Variants in KCNMA1 observed in about 807,000 individuals in gnomAD.
The protein encoded by KCNMA1 is potassium calcium-activated channel subfamily M alpha 1.
In KCNMA1, 29 loss-of-function variants were observed where a neutral mutation model predicts 140.0. That is an observed-to-expected ratio of 0.21 (90% CI 0.15 to 0.28). The LOEUF (loss-of-function observed/expected upper bound fraction) is 0.28. KCNMA1 is among the 10% of genes least tolerant of loss of function. The pLI is 1.00. For synonymous variants in KCNMA1, 612 were observed against 611.9 expected, an observed-to-expected ratio of 1.00 and a Z score of 0.00; for missense variants, 880 against 1,602.2, an observed-to-expected ratio of 0.55 and a Z score of 7.70.
At chr10:77,551,165 A>G (rs530731961) in intron 1 of KCNMA1, among the ~76,000 whole-genome samples, 64 of 152,290 alleles carry the variant, frequency 4.2e-4, no homozygotes, top group African/African-American at 1.4e-3. Flanking sequence ...AACATGTATC[A>G]TGGAGTGACA....
At chr10:77,194,148 G>C (rs1231410558) in intron 3 of KCNMA1, among the ~76,000 whole-genome samples, 1 of 152,138 alleles carries the variant, frequency 6.6e-6, no homozygotes, top group African/African-American at 2.4e-5. Flanking sequence ...TCATATCAAG[G>C]CTTCCCAAAT....
chr10:76,875,314 TA>T (rs2032170543), downstream of KCNMA1: 1 of 152,214 alleles, frequency 6.6e-6, no homozygotes, highest in Non-Finnish European at 1.5e-5. Context: ...TTGCTCTATT[TA>T]AAAGAAAATG....
chr10:77,290,265 C>T (rs2072717648), intron 2 of KCNMA1, among the ~76,000 whole-genome samples: 1 of 152,166 alleles, frequency 6.6e-6, no homozygotes, highest in African/African-American at 2.4e-5. Context: ...ATATTTAGAG[C>T]ACTATTGATT....
At chr10:77,605,360 C>T (rs2084107387) in intron 1 of KCNMA1, among the ~76,000 whole-genome samples, 1 of 152,226 alleles carries the variant, frequency 6.6e-6, no homozygotes, top group African/African-American at 2.4e-5. Context: ...TTCAAAGCAC[C>T]CGGCAAGTGG....
Position 76,885,232 on chromosome 10 carries a change from T to C in KCNMA1, c.*2034A>G, listed in dbSNP as rs201452204. 2.0e-6 allele frequency: 1 copy of C among 496,274 alleles called. No individual in the cohort carries two copies. The highest frequency in any genetic ancestry group is 2.6e-6 in the Non-Finnish European group (1 of 383,520). The allele number at this position is 496,274 out of a possible 1,614,324, so 30.7% of individuals were successfully genotyped here. A position where few individuals can be genotyped will look rare whatever the true frequency, so the allele number is the denominator to read the frequency against. ...ATATATATAGTTATATATATATAAT[T>C]ATATAGTTATATATATATAATTATA... is the stretch of plus-strand genomic sequence containing the variant. On this transcript the variant is annotated 3_prime_UTR_variant, in exon 28 of 28. Transcript: ENST00000286628.
chr10:77,066,985 C>T (rs2153690002), intron 14 of KCNMA1, among the ~76,000 whole-genome samples: 1 of 152,272 alleles, frequency 6.6e-6, no homozygotes, highest in Non-Finnish European at 1.5e-5. Flanking sequence ...CCTCCTTCAA[C>T]CTGGTTAGCA....
At chr10:77,403,388 T>G (rs763746394) in intron 2 of KCNMA1, among the ~76,000 whole-genome samples, 2 of 152,026 alleles carry the variant, frequency 1.3e-5, no homozygotes, top group Non-Finnish European at 2.9e-5. Flanking sequence ...GCTCACACAC[T>G]GCAGAAAATT....
At chr10:77,293,370 T>C (rs553166984) in intron 2 of KCNMA1, among the ~76,000 whole-genome samples, 19 of 152,072 alleles carry the variant, frequency 1.2e-4, no homozygotes, top group Non-Finnish European at 2.4e-4. Flanking sequence ...GGGACAACCA[T>C]AGCTCCTAAA....
intron 2 of KCNMA1, among the ~76,000 whole-genome samples, chr10:77,271,515 C>T (rs2065137119): frequency 2.0e-5 from 3 of 152,192 alleles, no homozygotes; most frequent in Admixed American, 2.0e-4. Flanking sequence ...GGCTCAGTTC[C>T]TGCCTCTGAC....
Position 77,583,621 on chromosome 10 carries a change from GTGACT to G in KCNMA1, c.378+53639_378+53643del, listed in dbSNP as rs753341753. Among the ~76,000 whole-genome samples the G allele has an allele frequency of 5.3e-5, 8 of 152,368 alleles. No individual in the cohort carries two copies. The South Asian group carries it at 1.7e-3, about 32-fold the overall frequency. The stretch of plus-strand genomic sequence containing the variant: ...AAACTGACTCTTCCTCCTCTGATGA[GTGACT>G]TGACTTTCCAGGCAAGTAAAGCAGG... On this transcript the variant is annotated intron_variant, in intron 1 of 27. Transcript: ENST00000286628.
At chr10:77,509,979 A>T (rs904531486) in intron 1 of KCNMA1, among the ~76,000 whole-genome samples, 1 of 152,060 alleles carries the variant, frequency 6.6e-6, no homozygotes, top group African/African-American at 2.4e-5. Context: ...TCATAACCCA[A>T]TTAGCACAAT....
intron 2 of KCNMA1, among the ~76,000 whole-genome samples, chr10:77,320,036 G>C (rs2081943936): frequency 6.6e-6 from 1 of 152,162 alleles, no homozygotes; most frequent in South Asian, 2.1e-4. Flanking sequence ...ACTAAACCAA[G>C]GTGGGCACTC....
chr10:77,462,202 A>T (rs2097887442), intron 1 of KCNMA1, among the ~76,000 whole-genome samples: 1 of 152,104 alleles, frequency 6.6e-6, no homozygotes. Context: ...ACATAAATAC[A>T]CACAGCACAT....
Position 77,108,669 on chromosome 10 carries a change from A to G in KCNMA1, c.1132-97T>C. The G allele has an allele frequency of 1.1e-6, 1 of 897,744 alleles. No individual in the cohort carries two copies. The highest frequency in any genetic ancestry group is 1.8e-6 in the Non-Finnish European group (1 of 542,304). The allele number at this position is 897,744 out of a possible 1,614,324, so 55.6% of individuals were successfully genotyped here. The stretch of plus-strand genomic sequence containing the variant: ...GGGGGCACTAAGATCTGAAAACACA[A>G]AAGGATTAGGCCTGCAAAGGTATAT... On this transcript the variant is annotated intron_variant, in intron 8 of 27. Coordinates refer to ENST00000286628, the MANE Select transcript of KCNMA1 (RefSeq NM_001161352.2). The surrounding 1 kb of genome is among the most constrained non-coding windows in gnomAD (Gnocchi z 4.6).
intron 1 of KCNMA1, among the ~76,000 whole-genome samples, chr10:77,426,707 C>A (rs1389991224): frequency 6.6e-6 from 1 of 152,214 alleles, no homozygotes; most frequent in Non-Finnish European, 1.5e-5. Context: ...CTTCATAGAG[C>A]CAGTCAGAGT....
intron 3 of KCNMA1, among the ~76,000 whole-genome samples, chr10:77,242,899 TACACACACACACACACAC>T (rs199668848): frequency 1.8e-5 from 2 of 111,666 alleles, no homozygotes; most frequent in African/African-American, 3.4e-5. Flanking sequence ...AATTGTTTCC[TACACACACACACACACAC>T]ACACACACAC....
At chr10:77,255,813 T>A (rs1424407831) in intron 2 of KCNMA1, among the ~76,000 whole-genome samples, 1 of 150,022 alleles carries the variant, frequency 6.7e-6, no homozygotes, top group African/African-American at 2.5e-5. Context: ...CTCAGGAGGA[T>A]GAGGCAGAAG....
chr10:77,614,618 T>C (rs796082188), intron 1 of KCNMA1, among the ~76,000 whole-genome samples: 10 of 152,180 alleles, frequency 6.6e-5, no homozygotes, highest in African/African-American at 2.4e-4. Flanking sequence ...AGGTGGAACT[T>C]TCTCTGTGGT....
At chr10:77,300,885 C>T (rs1409474383) in intron 2 of KCNMA1, among the ~76,000 whole-genome samples, 1 of 152,200 alleles carries the variant, frequency 6.6e-6, no homozygotes, top group Non-Finnish European at 1.5e-5. Context: ...ACAAGTGGTT[C>T]TGAGCCCGAG....
Sources: allele counts gnomAD v4.1 joint callset (sites outside exome capture counted in the v4.1 genomes callset), GRCh38; gene constraint gnomAD v4.1.1; non-coding constraint Gnocchi (gnomAD v3.1); transcripts MANE v1.5; gene names NCBI Gene and HGNC (gene_info 2026-07-23, HGNC 2026-07-21).